CTNND2: variants seen among roughly 807,000 people sequenced by gnomAD.
CTNND2 encodes the protein catenin delta 2.
In CTNND2, 22 loss-of-function variants were observed where a neutral mutation model predicts 144.4. That is an observed-to-expected ratio of 0.15 (90% CI 0.11 to 0.22). The LOEUF (loss-of-function observed/expected upper bound fraction) is 0.22. Among genes scored for constraint, CTNND2 ranks in the 10% least tolerant of loss-of-function variants. CTNND2 has a pLI of 1.00. For synonymous variants in CTNND2, 751 were observed against 695.6 expected (o/e 1.08, Z -1.25); for missense variants, 1,353 against 1,618.8 (o/e 0.84, Z 2.82).
At chr5:11,780,697 G>C (rs1474933205) in intron 1 of CTNND2, among the ~76,000 whole-genome samples, 3 of 152,322 alleles carry the variant, frequency 2.0e-5, no homozygotes, top group Non-Finnish European at 4.4e-5. Context: ...ATCCTACAAG[G>C]AGGGAGATGC....
intron 2 of CTNND2, among the ~76,000 whole-genome samples, chr5:11,654,287 C>A (rs1190019557): frequency 1.3e-5 from 2 of 151,938 alleles, no homozygotes; most frequent in Admixed American, 6.6e-5. Context: ...GATTTTGGTG[C>A]AGATTACAGT....
At chr5:11,251,288 T>C (rs1169431081) in intron 9 of CTNND2, among the ~76,000 whole-genome samples, 2 of 152,218 alleles carry the variant, frequency 1.3e-5, no homozygotes, top group South Asian at 2.1e-4. Context: ...TTCTTAGGTC[T>C]GAACAGCTTG....
At chr5:11,488,272 C>A (rs1179019292) in intron 3 of CTNND2, among the ~76,000 whole-genome samples, 1 of 152,074 alleles carries the variant, frequency 6.6e-6, no homozygotes, top group Non-Finnish European at 1.5e-5. Flanking sequence ...ATTTATGGAT[C>A]AGATGTATTA....
At chr5:11,189,973 G>T (rs184591856) in intron 11 of CTNND2, among the ~76,000 whole-genome samples, 14 of 152,320 alleles carry the variant, frequency 9.2e-5, no homozygotes, top group African/African-American at 2.9e-4. Context: ...CCCTCTGCCT[G>T]TGCATATGAT....
At chr5:11,231,033 G>C (rs1740944474) in intron 10 of CTNND2, among the ~76,000 whole-genome samples, 1 of 152,104 alleles carries the variant, frequency 6.6e-6, no homozygotes, top group Non-Finnish European at 1.5e-5. Context: ...CCAGGTGAAG[G>C]TAATCAGACC....
chr5:11,139,973 T>C (rs1280032139), intron 12 of CTNND2, among the ~76,000 whole-genome samples: 1 of 152,244 alleles, frequency 6.6e-6, no homozygotes, highest in Admixed American at 6.5e-5. Flanking sequence ...ATCACTCTGA[T>C]ACTCTTCTGC....
At chr5:11,508,866 G>A (rs906553632) in intron 3 of CTNND2, among the ~76,000 whole-genome samples, 10 of 151,302 alleles carry the variant, frequency 6.6e-5, no homozygotes, top group Non-Finnish European at 1.3e-4. Flanking sequence ...AGCTGAGATC[G>A]CACCACTGCA....
At chr5:11,658,859 T>C (rs1033896830) in intron 2 of CTNND2, among the ~76,000 whole-genome samples, 1 of 152,216 alleles carries the variant, frequency 6.6e-6, no homozygotes, top group Non-Finnish European at 1.5e-5. Flanking sequence ...TAGTTTTATC[T>C]AATAACACAA....
chr5:11,532,278 T>C (rs1049392966), intron 3 of CTNND2, among the ~76,000 whole-genome samples: 3 of 150,202 alleles, frequency 2.0e-5, no homozygotes, highest in African/African-American at 7.3e-5. Context: ...CCTCTCCCTC[T>C]TCTCCCTCCT....
intron 1 of CTNND2, among the ~76,000 whole-genome samples, chr5:11,851,262 TGC>T (rs35466516): frequency 7.9e-6 from 1 of 125,828 alleles, no homozygotes; most frequent in Non-Finnish European, 1.9e-5. Flanking sequence ...CTCTAATACA[TGC>T]GTGTGTGTGC....
At chr5:11,865,484 G>A (rs115518711) in intron 1 of CTNND2, among the ~76,000 whole-genome samples, 457 of 152,092 alleles carry the variant, frequency 3.0e-3, no homozygotes, top group African/African-American at 0.01. Context: ...AACCTCTTTC[G>A]GTGTCAATTA....
At chr5:11,422,795 T>C (rs1762476157) in intron 3 of CTNND2, among the ~76,000 whole-genome samples, 1 of 152,218 alleles carries the variant, frequency 6.6e-6, no homozygotes, top group African/African-American at 2.4e-5. Context: ...ATTTTTTTCT[T>C]CTTCAAATTC....
At chr5:11,333,126 T>C (rs1753349506) in intron 9 of CTNND2, among the ~76,000 whole-genome samples, 1 of 152,254 alleles carries the variant, frequency 6.6e-6, no homozygotes, top group African/African-American at 2.4e-5. Flanking sequence ...TCATGATTCA[T>C]CCCTCTTGTA....
intron 2 of CTNND2, among the ~76,000 whole-genome samples, chr5:11,596,524 T>C (rs947024162): frequency 6.6e-6 from 1 of 152,244 alleles, no homozygotes; most frequent in Non-Finnish European, 1.5e-5. Flanking sequence ...TTTAAAAATA[T>C]TTATTTGCAA....
intron 3 of CTNND2, among the ~76,000 whole-genome samples, chr5:11,423,560 G>A (rs1762536316): frequency 6.6e-6 from 1 of 152,190 alleles, no homozygotes; most frequent in Admixed American, 6.5e-5. Flanking sequence ...ACCTCTCTGA[G>A]AAAATGGAGG....
At chr5:11,590,766 G>A (rs542700331) in intron 2 of CTNND2, among the ~76,000 whole-genome samples, 2 of 149,486 alleles carry the variant, frequency 1.3e-5, no homozygotes, top group Non-Finnish European at 3.0e-5. Context: ...CTCCCTGCCC[G>A]CAAAAAAACT....
chr5:11,173,552 A>C (rs546142822), intron 11 of CTNND2, among the ~76,000 whole-genome samples: 1 of 152,306 alleles, frequency 6.6e-6, no homozygotes, highest in East Asian at 1.9e-4. Context: ...AGGCCACTAT[A>C]AGAAGTTTCA....
intron 1 of CTNND2, among the ~76,000 whole-genome samples, chr5:11,850,986 C>T (rs1407212973): frequency 6.6e-6 from 1 of 152,152 alleles, no homozygotes; most frequent in Admixed American, 6.5e-5. Flanking sequence ...GATCACCAGC[C>T]ATCATGTTGT....
At chr5:11,234,308 G>A (rs139241862) in intron 10 of CTNND2, among the ~76,000 whole-genome samples, 4 of 152,082 alleles carry the variant, frequency 2.6e-5, no homozygotes, top group Non-Finnish European at 4.4e-5. Flanking sequence ...TGTCTTAACC[G>A]TTCCTGGCCA....
Sources: allele counts gnomAD v4.1 joint callset (sites outside exome capture counted in the v4.1 genomes callset), GRCh38; gene constraint gnomAD v4.1.1; transcripts MANE v1.5; gene names NCBI Gene and HGNC (gene_info 2026-07-23, HGNC 2026-07-21).